STIM1: variants seen among roughly 807,000 people sequenced by gnomAD.
STIM1 encodes stromal interaction molecule 1.
In STIM1, 25 loss-of-function variants were observed where a neutral mutation model predicts 74.7. The observed-to-expected ratio is 0.33, with a 90% CI of 0.24 to 0.47. The LOEUF is 0.47. STIM1 is among the 20% of genes least tolerant of loss of function. STIM1 has a pLI of 1.00. For missense variants in STIM1, 728 were observed against 920.8 expected (o/e 0.79, Z 2.71); for synonymous variants, 328 against 348.8 (o/e 0.94, Z 0.66).
At chr11:3,996,862 A>G (rs896938842) in intron 2 of STIM1, among the ~76,000 whole-genome samples, 3 of 152,194 alleles carry the variant, frequency 2.0e-5, no homozygotes, top group Non-Finnish European at 4.4e-5. Flanking sequence ...GTTCTTTCTC[A>G]TAGTGCATTT....
rs570164636 is a variant in STIM1 at position 3,977,381 on chromosome 11, G to C, written c.270+9699G>C. ...CAAGATCTACTTATGACTTCTGTTA[G>C]TGTCTGTGGTGTCTGGTATAGAAGT... On this transcript the variant is annotated intron_variant, in intron 2 of 12. Transcript: ENST00000526596. 1.0e-3 allele frequency among the ~76,000 whole-genome samples: 157 copies of C among 152,328 alleles called. 1 individual carries two copies. Among genetic ancestry groups the C allele is most frequent in the African/African-American group, 3.6e-3 (150 of 41,574 alleles).
Position 3,895,710 on chromosome 11 carries a change from C to CT in STIM1, c.139+39304dup, listed in dbSNP as rs1213193028. Among the ~76,000 whole-genome samples, 294 of 29,414 alleles carry CT rather than the reference C, an allele frequency of 1.0e-2. 13 individuals are homozygous for CT. Among genetic ancestry groups the CT allele is most frequent in the Middle Eastern group, 0.025 (2 of 80 alleles). 19.3% of individuals were successfully genotyped at this position (29,414 alleles called of 152,430 possible). A position where few individuals can be genotyped will look rare whatever the true frequency, so the allele number is the denominator to read the frequency against. On this transcript the variant is annotated intron_variant, in intron 1 of 12. Transcript: ENST00000526596. The stretch of plus-strand genomic sequence containing the variant: ...TCTTTCTTTCTTTCTTTCTTTCTTT[C>CT]TTTCTTTCTTTCTTTCTTTCTTTCT...
chr11:4,059,203 G>T lies in STIM1; in HGVS notation c.498-78G>T, dbSNP rs959582306. The stretch of plus-strand genomic sequence containing the variant: ...TCACCAAGAGCTAGAAGTGTTCCTG[G>T]GGGAGGCGGGTAATCCTACCAGGAT... On this transcript the variant is annotated intron_variant, in intron 4 of 12. Transcript: ENST00000526596. 46 of 1,234,324 alleles carry T rather than the reference G, an allele frequency of 3.7e-5. No individual in the cohort carries two copies. The East Asian group carries it at 1.0e-3, about 28-fold the overall frequency. 76.5% of individuals were successfully genotyped at this position (1,234,324 alleles called of 1,614,324 possible). A position where few individuals can be genotyped will look rare whatever the true frequency, so the allele number is the denominator to read the frequency against.
chr11:4,082,863 G>A lies in STIM1; in HGVS notation c.1138-19G>A. 6.2e-7 allele frequency: 1 copy of A among 1,608,108 alleles called. No homozygotes were observed. Among genetic ancestry groups the A allele is most frequent in the Non-Finnish European group, 8.5e-7 (1 of 1,174,524 alleles). ...CTCGAATCCCTGCTCTTTTTGAGCTGGGGGCCTCATCTTTGCAGGCTGAGA... is the reference window on the plus strand; with the variant it reads ...CTCGAATCCCTGCTCTTTTTGAGCTAGGGGCCTCATCTTTGCAGGCTGAGA... On this transcript the variant is annotated intron_variant, in intron 8 of 12. Transcript: ENST00000526596.
intron 1 of STIM1, among the ~76,000 whole-genome samples, chr11:3,939,288 T>C (rs1286773283): frequency 6.6e-6 from 1 of 152,206 alleles, no homozygotes; most frequent in Non-Finnish European, 1.5e-5. Context: ...TCTGAGATTC[T>C]GTGATTCTTC....
chr11:4,006,639 C>T (rs1300121011), intron 2 of STIM1, among the ~76,000 whole-genome samples: 2 of 152,144 alleles, frequency 1.3e-5, no homozygotes, highest in African/African-American at 4.8e-5. Flanking sequence ...GTCTTGAATT[C>T]CTGACCTCAA....
At position 3,936,721 on chromosome 11, in the gene STIM1, C is replaced by T. The variant is rs114341856; in HGVS notation, c.140-30831C>T. 1.2e-3 allele frequency among the ~76,000 whole-genome samples: 182 copies of T among 152,284 alleles called. 1 individual carries two copies. The highest frequency in any genetic ancestry group is 4.2e-3 in the African/African-American group (176 of 41,574). On this transcript the variant is annotated intron_variant, in intron 1 of 12. Coordinates refer to ENST00000526596, the MANE Select transcript of STIM1 (RefSeq NM_001382567.1). ...GCACTATAGAGGCAACATAGATAGT[C>T]TGGAGATGGAGAGTGGCCTTGAAAT... is the stretch of plus-strand genomic sequence containing the variant.
chr11:3,965,424 C>G (rs886870751), intron 1 of STIM1, among the ~76,000 whole-genome samples: 1 of 152,144 alleles, frequency 6.6e-6, no homozygotes, highest in African/African-American at 2.4e-5. Flanking sequence ...TGTTTTTATG[C>G]CCCATGCTGA....
chr11:3,908,266 C>A (rs917070173), intron 1 of STIM1, among the ~76,000 whole-genome samples: 1 of 152,142 alleles, frequency 6.6e-6, no homozygotes, highest in African/African-American at 2.4e-5. Context: ...GTTTACTTTT[C>A]TGCACAACAG....
chr11:3,863,220 A>ATGTGTGTGTG (rs56737126), intron 1 of STIM1, among the ~76,000 whole-genome samples: 1 of 125,804 alleles, frequency 7.9e-6, no homozygotes, highest in Admixed American at 7.9e-5. Context: ...GAGACAATGC[A>ATGTGTGTGTG]TGTGTGTGTG....
chr11:4,085,280 G>T (rs527733939), intron 11 of STIM1, among the ~76,000 whole-genome samples: 1 of 152,048 alleles, frequency 6.6e-6, no homozygotes, highest in Admixed American at 6.6e-5. Flanking sequence ...CCAAGGCTTC[G>T]CTCACCCTTG....
At chr11:3,872,519 T>C (rs1195722706) in intron 1 of STIM1, among the ~76,000 whole-genome samples, 2 of 140,204 alleles carry the variant, frequency 1.4e-5, no homozygotes, top group Admixed American at 7.3e-5. Context: ...CATTTTCTTT[T>C]TTTCTTTTTT....
intron 1 of STIM1, among the ~76,000 whole-genome samples, chr11:3,895,467 A>T (rs2092033625): frequency 1.3e-5 from 2 of 152,066 alleles, no homozygotes; most frequent in Non-Finnish European, 2.9e-5. Context: ...TTGGTCACTT[A>T]CCCACATTTT....
intron 1 of STIM1, among the ~76,000 whole-genome samples, chr11:3,941,669 TATATAG>T (rs148128738): frequency 0.31 from 26,916 of 85,860 alleles, 2,921 homozygotes; most frequent in Middle Eastern, 0.43. Flanking sequence ...TATATATATA[TATATAG>T]AGAGAGAGAG....
chr11:3,882,463 A>G (rs572349962), intron 1 of STIM1, among the ~76,000 whole-genome samples: 360 of 152,242 alleles, frequency 2.4e-3, no homozygotes, highest in South Asian at 0.016. Flanking sequence ...TTGTTTATCT[A>G]TTCATCCACA....
rs199623120 is a variant in STIM1, at chr11:3,895,867, C to CTTTCTTTTCTTTTCT, written c.139+39461_139+39475dup. On this transcript the variant is annotated intron_variant, in intron 1 of 12. Transcript: ENST00000526596. ...TCTTTCTTTCTTTCTCTCTCTCTCT[C>CTTTCTTTTCTTTTCT]TTTCTTTTCTTTTCTTTCTTTTCTT... 2.3e-4 allele frequency among the ~76,000 whole-genome samples: 17 copies of CTTTCTTTTCTTTTCT among 75,260 alleles called. 2 individuals carry two copies. The highest frequency in any genetic ancestry group is 2.5e-4 in the African/African-American group (3 of 11,900). 49.4% of individuals were successfully genotyped at this position (75,260 alleles called of 152,430 possible). A position where few individuals can be genotyped will look rare whatever the true frequency, so the allele number is the denominator to read the frequency against.
At chr11:3,942,640 G>T (rs917892684) in intron 1 of STIM1, among the ~76,000 whole-genome samples, 1 of 152,174 alleles carries the variant, frequency 6.6e-6, no homozygotes. Flanking sequence ...CTGTGGTTTC[G>T]TATGGGTTGT....
At chr11:3,887,725 T>C (rs1207267010) in intron 1 of STIM1, among the ~76,000 whole-genome samples, 4 of 151,920 alleles carry the variant, frequency 2.6e-5, no homozygotes, top group Non-Finnish European at 5.9e-5. Flanking sequence ...TCCTAGCACT[T>C]TGGGAGGCCG....
chr11:3,984,596 A>C (rs1162556288), intron 2 of STIM1, among the ~76,000 whole-genome samples: 5 of 152,210 alleles, frequency 3.3e-5, no homozygotes, highest in Admixed American at 3.3e-4. Flanking sequence ...AGTTCAAGTT[A>C]TTTGGCCCAG....
Sources: gnomAD v4.1 joint callset for allele counts (sites outside exome capture counted in the v4.1 genomes callset) on GRCh38, gnomAD v4.1.1 for gene constraint, MANE v1.5 for transcripts, NCBI Gene and HGNC (gene_info 2026-07-23, HGNC 2026-07-21) for gene names.